Variants in DCDC1 observed in about 807,000 individuals in gnomAD.
DCDC1 encodes the protein doublecortin domain containing 1.
Under a neutral mutation model 178.3 loss-of-function variants are expected in DCDC1, and 200 were observed. The observed-to-expected ratio is 1.12, with a 90% CI of 1.00 to 1.26. DCDC1 has a LOEUF of 1.26. DCDC1 is among the 50% of genes most tolerant of loss of function. DCDC1 has a pLI of 0.00. For synonymous variants in DCDC1, 690 were observed against 604.8 expected (o/e 1.14, Z -2.07); for missense variants, 1,983 against 1,749.2 (o/e 1.13, Z -2.38).
intron 20 of DCDC1, among the ~76,000 whole-genome samples, chr11:31,036,214 G>C (rs1954015698): frequency 6.6e-6 from 1 of 152,146 alleles, no homozygotes; most frequent in Admixed American, 6.5e-5. Flanking sequence ...CAAGAGATAG[G>C]CATTTGTTGA....
intron 18 of DCDC1, among the ~76,000 whole-genome samples, chr11:31,076,794 A>T (rs1312127878): frequency 6.6e-6 from 1 of 152,056 alleles, no homozygotes; most frequent in Non-Finnish European, 1.5e-5. Context: ...TCTTTCTCAC[A>T]CAGTGTCCCA....
intron 20 of DCDC1, among the ~76,000 whole-genome samples, chr11:31,057,278 A>G (rs1196446944): frequency 2.4e-4 from 24 of 101,400 alleles, no homozygotes; most frequent in Non-Finnish European, 3.7e-4. Flanking sequence ...GGAGGGAGGG[A>G]GGGAGGGAGG....
chr11:31,172,230 A>G (rs892327200), intron 9 of DCDC1, among the ~76,000 whole-genome samples: 6 of 152,090 alleles, frequency 3.9e-5, no homozygotes, highest in Non-Finnish European at 8.8e-5. Context: ...TCTAATATCT[A>G]TCAACCAGAT....
chr11:31,179,041 A>G (rs10835749), intron 9 of DCDC1, among the ~76,000 whole-genome samples: 39,978 of 151,978 alleles, frequency 0.26, 5,408 homozygotes, highest in African/African-American at 0.32. Flanking sequence ...TTCTCAAAAG[A>G]GAATATAAAA....
intron 3 of DCDC1, among the ~76,000 whole-genome samples, chr11:31,315,888 G>A (rs550034918): frequency 6.5e-5 from 7 of 107,598 alleles, no homozygotes; most frequent in African/African-American, 2.1e-4. Context: ...TCCCACCTAT[G>A]AGTGAGAATA....
Position 31,181,260 on chromosome 11 carries a change from C to T in DCDC1, c.1222-43476G>A, listed in dbSNP as rs192936083. On this transcript the variant is annotated intron_variant, in intron 9 of 38. Coordinates refer to ENST00000684477, the MANE Select transcript of DCDC1 (RefSeq NM_001387274.1). ...CTCCCATTTCCATGGGACAGAGCAC[C>T]TGGGGGAAGGGGAGGCTGTGGGTAC... 2.2e-3 allele frequency among the ~76,000 whole-genome samples: 334 copies of T among 152,284 alleles called. 2 individuals carry two copies. The highest frequency in any genetic ancestry group is 7.3e-3 in the African/African-American group (304 of 41,574).
intron 20 of DCDC1, among the ~76,000 whole-genome samples, chr11:31,025,017 C>T (rs1953130726): frequency 6.6e-6 from 1 of 151,764 alleles, no homozygotes; most frequent in Admixed American, 6.6e-5. Flanking sequence ...AGTAATAGAA[C>T]TCAGAGGCAT....
At chr11:31,365,168 G>C (rs1320135007) in intron 1 of DCDC1, among the ~76,000 whole-genome samples, 1 of 152,174 alleles carries the variant, frequency 6.6e-6, no homozygotes, top group African/African-American at 2.4e-5. Context: ...CTAACGGAGT[G>C]TGGGGTACAT....
intron 7 of DCDC1, among the ~76,000 whole-genome samples, chr11:31,276,101 GTCTGTTTGAATCAGGA>G (rs1945966038): frequency 6.6e-6 from 1 of 152,196 alleles, no homozygotes; most frequent in Non-Finnish European, 1.5e-5. Context: ...TTTTGCTTAA[GTCTGTTTGAATCAGGA>G]ATCTGTTATT....
At chr11:31,132,465 G>A (rs956936033) in intron 10 of DCDC1, among the ~76,000 whole-genome samples, 1 of 152,046 alleles carries the variant, frequency 6.6e-6, no homozygotes, top group Non-Finnish European at 1.5e-5. Context: ...ATTGCTAAAA[G>A]GGGGAAAGTG....
intron 9 of DCDC1, among the ~76,000 whole-genome samples, chr11:31,159,435 T>C (rs937891235): frequency 6.6e-6 from 1 of 152,202 alleles, no homozygotes; most frequent in East Asian, 1.9e-4. Flanking sequence ...GATTTGCATT[T>C]ATAGAGAAAT....
At chr11:31,367,674 A>C (rs749275654) in intron 1 of DCDC1, among the ~76,000 whole-genome samples, 5 of 152,232 alleles carry the variant, frequency 3.3e-5, no homozygotes, top group Non-Finnish European at 7.3e-5. Context: ...GGCACAATAC[A>C]TACCAGCTTT....
intron 20 of DCDC1, 85 bp from the exon 21 acceptor site, chr11:30,952,653 C>A: frequency 3.7e-6 from 2 of 539,266 alleles, no homozygotes; most frequent in Non-Finnish European, 6.1e-6. Context: ...TGAGTACTTA[C>A]TATACACTAG....
chr11:31,014,873 T>A (rs535289063), intron 20 of DCDC1, among the ~76,000 whole-genome samples: 1 of 152,228 alleles, frequency 6.6e-6, no homozygotes, highest in African/African-American at 2.4e-5. Flanking sequence ...ATGAAAAGTA[T>A]GTTTTAGATA....
intron 20 of DCDC1, among the ~76,000 whole-genome samples, chr11:30,954,835 C>T (rs966663015): frequency 1.2e-4 from 19 of 152,146 alleles, no homozygotes; most frequent in Non-Finnish European, 1.0e-4. Context: ...CCTTGTATTT[C>T]TCTTCTTTGC....
chr11:30,903,398 A>C (rs1944838624), intron 32 of DCDC1, 84 bp downstream of exon 32: 1 of 1,271,126 alleles, frequency 7.9e-7, no homozygotes, highest in Non-Finnish European at 1.0e-6. Flanking sequence ...TTCTGAAAAA[A>C]CTGACTAAAT....
At position 31,023,789 on chromosome 11, in the gene DCDC1, A is replaced by G. The variant is rs534545876; in HGVS notation, c.2591+40680T>C. Among the ~76,000 whole-genome samples the G allele has an allele frequency of 1.5e-4, 23 of 152,200 alleles. No individual in the cohort carries two copies. The South Asian group carries it at 4.4e-3, about 29-fold the overall frequency. Reference sequence around the variant, plus strand: ...AATTCACATAAAGAAAAATATAATTAGAAAAACAGATTACATGGAAAGGTG... The same window carrying G: ...AATTCACATAAAGAAAAATATAATTGGAAAAACAGATTACATGGAAAGGTG... On this transcript the variant is annotated intron_variant, in intron 20 of 38. Transcript: ENST00000684477.
At chr11:30,913,300 C>T (rs1466940902) in intron 27 of DCDC1, among the ~76,000 whole-genome samples, 1 of 151,806 alleles carries the variant, frequency 6.6e-6, no homozygotes, top group Non-Finnish European at 1.5e-5. Flanking sequence ...CCCAGCTACT[C>T]GGAGAGGCTG....
chr11:31,004,020 C>G (rs867862212), intron 20 of DCDC1, among the ~76,000 whole-genome samples: 6 of 152,174 alleles, frequency 3.9e-5, no homozygotes, highest in African/African-American at 1.4e-4. Flanking sequence ...AGAGAAGGAA[C>G]TTTTGGAGGA....
Sources: allele counts gnomAD v4.1 joint callset (sites outside exome capture counted in the v4.1 genomes callset), GRCh38; gene constraint gnomAD v4.1.1; transcripts MANE v1.5; gene names NCBI Gene and HGNC (gene_info 2026-07-23, HGNC 2026-07-21).